Variants in FREM1 observed in about 807,000 individuals in gnomAD.
The protein encoded by FREM1 is FRAS1 related extracellular matrix 1.
In FREM1, 220 loss-of-function variants were observed where a neutral mutation model predicts 210.1. The observed-to-expected ratio is 1.05, with a 90% confidence interval of 0.94 to 1.17. The LOEUF (loss-of-function observed/expected upper bound fraction) is 1.17, where lower values mean the gene tolerates loss of function less well. Ranked by LOEUF, FREM1 falls within the 50% of genes most tolerant of loss-of-function variation. FREM1 has a pLI of 0.00. For missense variants in FREM1, 3,454 were observed against 2,675.5 expected (o/e 1.29, Z -6.42); for synonymous variants, 1,189 against 980.2 (o/e 1.21, Z -3.98).
At chr9:14,828,856 A>G (rs1823007374) in intron 10 of FREM1, among the ~76,000 whole-genome samples, 2 of 152,344 alleles carry the variant, frequency 1.3e-5, no homozygotes, top group South Asian at 2.1e-4. Context: ...TGAGGCCAGC[A>G]TTACAATATG....
chr9:14,773,293 G>A (rs905944397), intron 25 of FREM1, among the ~76,000 whole-genome samples: 26 of 152,154 alleles, frequency 1.7e-4, no homozygotes, highest in African/African-American at 6.3e-4. Flanking sequence ...TGTGCCTGCT[G>A]GTATCAGTCA....
chr9:14,862,136 T>G (rs1830706801), intron 3 of FREM1, among the ~76,000 whole-genome samples: 1 of 152,252 alleles, frequency 6.6e-6, no homozygotes, highest in South Asian at 2.1e-4. Flanking sequence ...ATTTTGTGAC[T>G]CTCTTTTGGC....
chr9:14,861,688 G>C (rs1588449697), intron 3 of FREM1, among the ~76,000 whole-genome samples: 1 of 151,828 alleles, frequency 6.6e-6, no homozygotes, highest in East Asian at 1.9e-4. Context: ...TGTATTTTTA[G>C]TAGAGATGGG....
chr9:14,766,506 C>G (rs538846192), intron 27 of FREM1, among the ~76,000 whole-genome samples: 1 of 152,114 alleles, frequency 6.6e-6, no homozygotes, highest in African/African-American at 2.4e-5. Flanking sequence ...GTTAAACAAG[C>G]ACGCAAGCTA....
chr9:14,818,458 A>C (rs1307220620), intron 14 of FREM1, among the ~76,000 whole-genome samples: 1 of 152,184 alleles, frequency 6.6e-6, no homozygotes, highest in Non-Finnish European at 1.5e-5. Context: ...TCTGATGTAT[A>C]ATATCTCCTA....
intron 1 of FREM1, among the ~76,000 whole-genome samples, chr9:14,897,725 G>T (rs1523212): frequency 2.0e-5 from 3 of 151,774 alleles, no homozygotes; most frequent in African/African-American, 4.8e-5. Flanking sequence ...TGAGTAGCTA[G>T]GACTACAGGC....
chr9:14,746,646 C>G (rs1842490561), intron 34 of FREM1, among the ~76,000 whole-genome samples, 178 bp from the exon 35 acceptor site: 2 of 152,230 alleles, frequency 1.3e-5, no homozygotes, highest in African/African-American at 4.8e-5. Flanking sequence ...ACAGAAAACA[C>G]TACCACAGTC....
At chr9:14,809,108 T>C (rs1818919369) in intron 16 of FREM1, among the ~76,000 whole-genome samples, 1 of 152,176 alleles carries the variant, frequency 6.6e-6, no homozygotes, top group South Asian at 2.1e-4. Flanking sequence ...GCTTTTCTCA[T>C]GATAGTGAAT....
rs373107801 is a variant in FREM1, at chr9:14,740,210, T to C, written c.6279A>G (p.Val2093=). Reference sequence around the variant, plus strand: ...GCCACCGCATGTGCTGCCTGGAGAATACAGTTACAAGGTTGCCCAGGTATC... The same window carrying C: ...GCCACCGCATGTGCTGCCTGGAGAACACAGTTACAAGGTTGCCCAGGTATC... ...REQYLGNLVT[V]FSRQHMRWLW... The change falls in exon 36 of 37, where the codon GTA becomes GTG. Residue 2093 remains valine (V), a synonymous_variant. Transcript: ENST00000380880. 164 of 1,613,154 alleles carry C rather than the reference T, an allele frequency of 1.0e-4. 1 individual carries two copies. In the East Asian group the frequency reaches 2.0e-3, roughly 20 times the overall value.
intron 24 of FREM1, among the ~76,000 whole-genome samples, chr9:14,782,175 C>T (rs1454013057): frequency 6.6e-6 from 1 of 152,064 alleles, no homozygotes; most frequent in Non-Finnish European, 1.5e-5. Context: ...GGGGTAAGGC[C>T]CAAGAATTTG....
intron 25 of FREM1, among the ~76,000 whole-genome samples, chr9:14,773,058 G>A (rs1847878245): frequency 6.6e-6 from 1 of 152,034 alleles, no homozygotes; most frequent in Non-Finnish European, 1.5e-5. Flanking sequence ...TAGATCTTCT[G>A]GCTTAGTATC....
intron 5 of FREM1, among the ~76,000 whole-genome samples, chr9:14,856,663 C>T (rs371336358): frequency 7.2e-5 from 11 of 152,110 alleles, no homozygotes; most frequent in African/African-American, 2.4e-4. Flanking sequence ...GAAACCCCTT[C>T]TCTACTAAAA....
In FREM1 at chr9:14,746,401, G is replaced by A. The variant is rs1563817500; in HGVS notation, c.6206C>T (p.Thr2069Ile). Reference sequence around the variant, plus strand: ...CGCATTCCAGGTGCCTTTCTGCTCTGTGATCAAGATGTGACAGTAGCCTGA... The same window carrying A: ...CGCATTCCAGGTGCCTTTCTGCTCTATGATCAAGATGTGACAGTAGCCTGA... Reference protein sequence around the residue: ...QHSGYCHILITEQKGTWNAAA... With the variant: ...QHSGYCHILIIEQKGTWNAAA... The change falls in exon 35 of 37, where the codon ACA (threonine) becomes ATA (isoleucine). Residue 2069 changes from threonine (T) to isoleucine (I), a missense_variant. Transcript: ENST00000380880. 1 of 1,613,906 alleles carries A rather than the reference G, an allele frequency of 6.2e-7. No individual in the cohort carries two copies. The highest frequency in any genetic ancestry group is 8.5e-7 in the Non-Finnish European group (1 of 1,179,794).
rs892958572 is a variant in FREM1, at chr9:14,836,626, T to C, written c.1881+4821A>G. On this transcript the variant is annotated intron_variant, in intron 10 of 36. Coordinates refer to ENST00000380880, the MANE Select transcript of FREM1 (RefSeq NM_001379081.2). The surrounding 1 kb of genome is among the most constrained non-coding windows in gnomAD (Gnocchi z 4.9). Reference sequence around the variant, plus strand: ...CTCTTGCTTATATGTCTTGAATTGATATTTGGACGTTGTATATTCAGTACT... The same window carrying C: ...CTCTTGCTTATATGTCTTGAATTGACATTTGGACGTTGTATATTCAGTACT... Among the ~76,000 whole-genome samples, 2 of 152,204 alleles carry C rather than the reference T, an allele frequency of 1.3e-5. No individual in the cohort carries two copies. Among genetic ancestry groups the C allele is most frequent in the African/African-American group, 2.4e-5 (1 of 41,462 alleles).
At chr9:14,860,658 T>TATATACATATATACACAC (rs1564099949) in intron 3 of FREM1, among the ~76,000 whole-genome samples, 5,496 of 132,354 alleles carry the variant, frequency 0.042, 233 homozygotes, top group African/African-American at 0.06. Context: ...TATATACACA[T>TATATACATATATACACAC]ATATACATAT....
In FREM1 at chr9:14,851,576, C is replaced by G; in HGVS notation, c.860G>C (p.Arg287Thr). ...SESAWLPVYI[R>T]AGIPNQIPKA... ...TGGAATCTGATTCGGAATTCCAGCT[C>G]TGATATAGACAGGCAGCCACGCACT... Residue 287 changes from arginine to threonine, a missense_variant, in exon 6 of 37, where the codon AGA (arginine) becomes ACA (threonine). Coordinates refer to ENST00000380880, the MANE Select transcript of FREM1 (RefSeq NM_001379081.2). The G allele has an allele frequency of 6.2e-7, 1 of 1,613,834 alleles. No individual in the cohort carries two copies. The highest frequency in any genetic ancestry group is 1.3e-5 in the African/African-American group (1 of 75,016).
At chr9:14,792,146 C>G (rs1157802978) in intron 22 of FREM1, among the ~76,000 whole-genome samples, 1 of 152,034 alleles carries the variant, frequency 6.6e-6, no homozygotes. Context: ...GACATTAGGG[C>G]CAGAGGAGCT....
rs116370032 is a variant in FREM1 at position 14,887,848 on chromosome 9, A to C, written c.-267-18604T>G. ...TACAGTGATTTAAGTGACATAATGGAGTGCAGTGGCACAATCTCAGCTCAC... is the reference window on the plus strand; with the variant it reads ...TACAGTGATTTAAGTGACATAATGGCGTGCAGTGGCACAATCTCAGCTCAC... On this transcript the variant is annotated intron_variant, in intron 1 of 36. Coordinates refer to ENST00000380880, the MANE Select transcript of FREM1 (RefSeq NM_001379081.2). Among the ~76,000 whole-genome samples, 840 of 152,320 alleles carry C rather than the reference A, an allele frequency of 5.5e-3. 6 individuals carry two copies. Among genetic ancestry groups the C allele is most frequent in the African/African-American group, 0.019 (789 of 41,566 alleles).
chr9:14,801,692 A>G lies in FREM1; in HGVS notation c.3654T>C (p.His1218=). The G allele has an allele frequency of 1.9e-6, 3 of 1,613,962 alleles. No individual in the cohort carries two copies. The highest frequency in any genetic ancestry group is 2.5e-6 in the Non-Finnish European group (3 of 1,179,844). The part of the protein sequence containing the change: ...NKQPANPHQK[H]APVHSFSMEL... ...CCATGGAAAAGCTGTGAACAGGTGC[A>G]TGTTTCTGGTGAGGGTTGGCTGGCT... The change falls in exon 20 of 37, where the codon CAT becomes CAC. Residue 1218 remains histidine (H), a synonymous_variant. Transcript: ENST00000380880.
Sources: gnomAD v4.1 joint callset for allele counts (sites outside exome capture counted in the v4.1 genomes callset) on GRCh38, gnomAD v4.1.1 for gene constraint, Gnocchi (gnomAD v3.1) non-coding constraint, MANE v1.5 for transcripts, NCBI Gene and HGNC (gene_info 2026-07-23, HGNC 2026-07-21) for gene names.